OTUD7A: variants seen among roughly 807,000 people sequenced by gnomAD.
The protein encoded by OTUD7A is OTU domain-containing protein 7A.
OTUD7A carries 12 observed loss-of-function variants against 65.7 expected under a neutral mutation model. That is an observed-to-expected ratio of 0.18 (90% CI 0.12 to 0.30). The LOEUF (loss-of-function observed/expected upper bound fraction) is 0.30. OTUD7A is among the 10% of genes least tolerant of loss of function. The pLI is 1.00. For missense variants in OTUD7A, 1,148 were observed against 1,304.8 expected (o/e 0.88, Z 1.85); for synonymous variants, 641 against 586.3 (o/e 1.09, Z -1.35).
intron 1 of OTUD7A, among the ~76,000 whole-genome samples, chr15:31,742,924 A>T (rs1027819424): frequency 5.9e-5 from 9 of 152,144 alleles, no homozygotes; most frequent in African/African-American, 2.2e-4. Flanking sequence ...GACAATAAAT[A>T]TATATAAATA....
At chr15:31,715,015 AG>A (rs1344538312) in intron 1 of OTUD7A, among the ~76,000 whole-genome samples, 1 of 81,610 alleles carries the variant, frequency 1.2e-5, no homozygotes, top group African/African-American at 3.2e-5. Flanking sequence ...GGGCACCTGT[AG>A]TCCCTGCTAC....
intron 1 of OTUD7A, among the ~76,000 whole-genome samples, chr15:31,681,125 T>TA (rs1566972565): frequency 6.6e-6 from 1 of 151,384 alleles, no homozygotes; most frequent in Non-Finnish European, 1.5e-5. Context: ...TTGATATATA[T>TA]TTTTTCCTGT....
intron 1 of OTUD7A, among the ~76,000 whole-genome samples, chr15:31,791,721 C>T (rs1215183650): frequency 6.6e-6 from 1 of 152,138 alleles, no homozygotes; most frequent in African/African-American, 2.4e-5. Flanking sequence ...AAGAGAATTC[C>T]ATCCAGCTGG....
intron 1 of OTUD7A, among the ~76,000 whole-genome samples, chr15:31,749,673 C>A (rs539049767): frequency 6.6e-6 from 1 of 152,050 alleles, no homozygotes; most frequent in Admixed American, 6.5e-5. Flanking sequence ...TTTCACCACT[C>A]GTATTCAACA....
At chr15:31,617,114 A>T (rs973137054) in intron 3 of OTUD7A, among the ~76,000 whole-genome samples, 1 of 152,214 alleles carries the variant, frequency 6.6e-6, no homozygotes, top group Non-Finnish European at 1.5e-5. Flanking sequence ...TGAGGATAAC[A>T]TCAGATTTTA....
chr15:31,718,246 CTT>C (rs1893644986), intron 1 of OTUD7A, among the ~76,000 whole-genome samples: 1 of 152,184 alleles, frequency 6.6e-6, no homozygotes, highest in African/African-American at 2.4e-5. Flanking sequence ...GAGATATACT[CTT>C]TGTAAATATT....
intron 3 of OTUD7A, among the ~76,000 whole-genome samples, chr15:31,653,517 G>A (rs1447980187): frequency 6.8e-6 from 1 of 146,186 alleles, no homozygotes; most frequent in Non-Finnish European, 1.5e-5. Flanking sequence ...AGAAGATTAG[G>A]CTCTGTAGGA....
chr15:31,627,933 G>A (rs1379514588), intron 3 of OTUD7A, among the ~76,000 whole-genome samples: 1 of 152,048 alleles, frequency 6.6e-6, no homozygotes, highest in Non-Finnish European at 1.5e-5. Context: ...CTTGTTGATG[G>A]GGTTGTTTGT....
chr15:31,816,521 T>C (rs1896552396), intron 1 of OTUD7A, among the ~76,000 whole-genome samples: 1 of 95,818 alleles, frequency 1.0e-5, no homozygotes, highest in African/African-American at 3.7e-5. Flanking sequence ...AAACCCCGTC[T>C]CTACTAAAAA....
chr15:31,852,831 T>A (rs577977882), intron 1 of OTUD7A, among the ~76,000 whole-genome samples: 1 of 152,364 alleles, frequency 6.6e-6, no homozygotes, highest in Non-Finnish European at 1.5e-5. Context: ...ATTACATTAA[T>A]GATTTAATTA....
At chr15:31,502,732 T>A (rs1231279081) in intron 9 of OTUD7A, among the ~76,000 whole-genome samples, 1 of 152,212 alleles carries the variant, frequency 6.6e-6, no homozygotes, top group Non-Finnish European at 1.5e-5. Flanking sequence ...AGCTCAGTCC[T>A]GGGCTTACGC....
Position 31,567,765 on chromosome 15 carries a change from A to C in OTUD7A, c.331+2253T>G, listed in dbSNP as rs186130993. Among the ~76,000 whole-genome samples the C allele has an allele frequency of 1.7e-3, 254 of 152,368 alleles. 1 individual carries two copies. The highest frequency in any genetic ancestry group is 5.7e-3 in the African/African-American group (238 of 41,594). ...CCGCTACCTTGTGTAGCCTTGGGACACTGCTCCCCACATCCTGGCTGCTCC... is the reference window on the plus strand; with the variant it reads ...CCGCTACCTTGTGTAGCCTTGGGACCCTGCTCCCCACATCCTGGCTGCTCC... On this transcript the variant is annotated intron_variant, in intron 4 of 12. Transcript: ENST00000307050.
chr15:31,535,679 T>TG (rs1227399328), intron 5 of OTUD7A, among the ~76,000 whole-genome samples: 2 of 145,818 alleles, frequency 1.4e-5, no homozygotes, highest in Non-Finnish European at 1.5e-5. Flanking sequence ...TTTTTGTTTT[T>TG]TTTTTTTTTT....
At chr15:31,527,137 T>A (rs2042025673) in intron 7 of OTUD7A, 44 bp downstream of exon 7, 1 of 1,611,742 alleles carries the variant, frequency 6.2e-7, no homozygotes, top group African/African-American at 1.3e-5. Context: ...CGAGGCTGCA[T>A]CTGGCCTGGG....
chr15:31,570,467 AC>A (rs1889016765), intron 3 of OTUD7A, among the ~76,000 whole-genome samples: 1 of 147,928 alleles, frequency 6.8e-6, no homozygotes, highest in African/African-American at 2.6e-5. Context: ...ACACACACAC[AC>A]ACACACACAC....
At chr15:31,840,443 TTAAAAAATAAAAA>T (rs1299701217) in intron 1 of OTUD7A, among the ~76,000 whole-genome samples, 1 of 150,768 alleles carries the variant, frequency 6.6e-6, no homozygotes, top group Non-Finnish European at 1.5e-5. Context: ...GTCTCAAAAA[TTAAAAAATAAAAA>T]TAAAAATAAA....
intron 3 of OTUD7A, among the ~76,000 whole-genome samples, chr15:31,623,687 G>A (rs948073274): frequency 1.3e-5 from 2 of 152,218 alleles, no homozygotes; most frequent in African/African-American, 4.8e-5. Flanking sequence ...TCTAGGAAAG[G>A]GAATTCCCTG....
intron 3 of OTUD7A, among the ~76,000 whole-genome samples, chr15:31,618,072 T>A (rs1028598935): frequency 6.6e-6 from 1 of 152,192 alleles, no homozygotes; most frequent in East Asian, 1.9e-4. Flanking sequence ...AATGATGGTT[T>A]CCAGTTTCAT....
chr15:31,601,092 G>A (rs1015561391), intron 3 of OTUD7A, among the ~76,000 whole-genome samples: 3 of 152,120 alleles, frequency 2.0e-5, no homozygotes, highest in Non-Finnish European at 4.4e-5. Flanking sequence ...CTTGAACTCA[G>A]CTCCGGACCA....
Sources: allele counts gnomAD v4.1 joint callset (sites outside exome capture counted in the v4.1 genomes callset), GRCh38; gene constraint gnomAD v4.1.1; transcripts MANE v1.5; gene names NCBI Gene and HGNC (gene_info 2026-07-23, HGNC 2026-07-21).